Variants in DNAH10 observed in about 807,000 individuals in gnomAD.
DNAH10 encodes the protein dynein axonemal heavy chain 10, also known as axonemal beta dynein heavy chain 10.
DNAH10 carries 348 observed loss-of-function variants against 506.6 expected under a neutral mutation model. The observed-to-expected ratio is 0.69, with a 90% CI of 0.63 to 0.75. The LOEUF (loss-of-function observed/expected upper bound fraction) is 0.75. Among genes scored for constraint, DNAH10 ranks in the 30% least tolerant of loss-of-function variants. The pLI, the probability that DNAH10 is intolerant of heterozygous loss-of-function variation, is 0.00. For missense variants in DNAH10, 5,179 were observed against 5,787.1 expected, an observed-to-expected ratio of 0.89 and a Z score of 3.41; for synonymous variants, 2,059 against 2,198.6, an observed-to-expected ratio of 0.94 and a Z score of 1.78.
chr12:123,873,443 A>G, intron 45 of DNAH10, 115 bp from the exon 46 acceptor site: 2 of 1,228,634 alleles, frequency 1.6e-6, no homozygotes, highest in Non-Finnish European at 2.2e-6. Context: ...GGTTATTAAA[A>G]AGTTAGTTCA....
Position 123,913,753 on chromosome 12 carries a change from T to TC in DNAH10, c.10352+438_10352+439insC, listed in dbSNP as rs1178844090. On this transcript the variant is annotated intron_variant, in intron 60 of 78. Coordinates refer to ENST00000673944, the MANE Select transcript of DNAH10 (RefSeq NM_001372106.1). This position sits in a 1 kb window ranked among gnomAD's most constrained non-coding sequence, Gnocchi z 5.1. The stretch of plus-strand genomic sequence containing the variant: ...AGTCTTAAGTGATGGGGCTGTTTGA[T>TC]ATTTATGGGCAAGACCGCTTGGCCA... Among the ~76,000 whole-genome samples the TC allele has an allele frequency of 6.6e-6, 1 of 152,218 alleles. No homozygotes were observed. The highest frequency in any genetic ancestry group is 1.9e-4 in the East Asian group (1 of 5,202).
At chr12:123,837,739 T>G (rs1327299012) in intron 28 of DNAH10, among the ~76,000 whole-genome samples, 1 of 148,006 alleles carries the variant, frequency 6.8e-6, no homozygotes, top group Non-Finnish European at 1.5e-5. Context: ...CACACCCGGC[T>G]AACTTAAAAA....
chr12:123,933,831 G>A (rs969815259), intron 77 of DNAH10, among the ~76,000 whole-genome samples: 2 of 152,210 alleles, frequency 1.3e-5, no homozygotes, highest in Non-Finnish European at 2.9e-5. Flanking sequence ...ACCATCAGGT[G>A]GCTTTCTTGT....
intron 40 of DNAH10, among the ~76,000 whole-genome samples, chr12:123,865,409 T>G (rs1951766664): frequency 6.6e-6 from 1 of 152,202 alleles, no homozygotes; most frequent in Non-Finnish European, 1.5e-5. Context: ...CACTCTAGCT[T>G]AGTATTAATG....
At position 123,893,348 on chromosome 12, in the gene DNAH10, C is replaced by A. The variant is rs770239448; in HGVS notation, c.9111C>A (p.Phe3037Leu). The change falls in exon 53 of 79, where the codon TTC becomes TTA. Residue 3037 changes from phenylalanine (F) to leucine (L), a missense_variant. Coordinates refer to ENST00000673944, the MANE Select transcript of DNAH10 (RefSeq NM_001372106.1). ...GPAKESVWQYFVNKSANNLHI... is the reference protein window; with the variant it reads ...GPAKESVWQYLVNKSANNLHI... ...CCAAGGAGTCTGTGTGGCAGTACTT[C>A]GTGAACAAAAGTGCAAATAACCTGC... 6.2e-7 allele frequency: 1 copy of A among 1,614,036 alleles called. No individual in the cohort carries two copies. The highest frequency in any genetic ancestry group is 1.1e-5 in the South Asian group (1 of 91,078).
intron 5 of DNAH10, among the ~76,000 whole-genome samples, chr12:123,777,942 C>T (rs184136961): frequency 3.0e-4 from 46 of 152,266 alleles, no homozygotes; most frequent in African/African-American, 1.1e-3. Flanking sequence ...GGATTGCAGG[C>T]ATGAGCCACC....
rs765758453 is a variant in DNAH10 at position 123,924,385 on chromosome 12, G to A, written c.11719G>A (p.Gly3907Arg). 1.9e-5 allele frequency: 30 copies of A among 1,613,598 alleles called. No individual in the cohort carries two copies. The highest frequency in any genetic ancestry group is 2.5e-5 in the Non-Finnish European group (29 of 1,179,762). Residue 3907 changes from glycine to arginine, a missense_variant, in exon 67 of 79, where the codon GGG becomes AGG. Physicochemically the swap from Gly to Arg is moderately radical, Grantham distance 125. This residue lies in a region of DNAH10 where 4,844 missense variants were observed against 5,430.5 expected (regional missense o/e 0.89). Coordinates refer to ENST00000673944, the MANE Select transcript of DNAH10 (RefSeq NM_001372106.1). ...ATCAGAAATGTTTTCAGACAACTTTGGGCAACTTCCTGATGATGTTGAGAA... is the reference window on the plus strand; with the variant it reads ...ATCAGAAATGTTTTCAGACAACTTTAGGCAACTTCCTGATGATGTTGAGAA... ...LLSEMFSDNF[G>R]QLPDDVENNQ...
chr12:123,817,099 CTTTTTTTTT>C (rs755698934), intron 21 of DNAH10, among the ~76,000 whole-genome samples: 1 of 87,014 alleles, frequency 1.1e-5, no homozygotes, highest in Admixed American at 1.1e-4. Context: ...TCCAGTCTAA[CTTTTTTTTT>C]TTTTTTTTTT....
intron 18 of DNAH10, among the ~76,000 whole-genome samples, chr12:123,807,819 A>AG: frequency 1.3e-5 from 1 of 77,936 alleles, no homozygotes; most frequent in African/African-American, 5.0e-5. Flanking sequence ...AGAGAGAGAT[A>AG]AGGAGGGGGG....
chr12:123,822,860 G>A (rs1055314756), intron 24 of DNAH10, among the ~76,000 whole-genome samples: 3 of 152,186 alleles, frequency 2.0e-5, no homozygotes, highest in Non-Finnish European at 4.4e-5. Flanking sequence ...TTCGATTCAG[G>A]CCTGCAGTGG....
At chr12:123,851,800 G>T (rs1237817894) in intron 35 of DNAH10, among the ~76,000 whole-genome samples, 3 of 152,198 alleles carry the variant, frequency 2.0e-5, no homozygotes, top group African/African-American at 7.2e-5. Context: ...GAGAGACAGG[G>T]TCTTACTCTG....
At chr12:123,929,803 C>T (rs1269577842) in intron 72 of DNAH10, 44 bp downstream of exon 72, 3 of 1,559,316 alleles carry the variant, frequency 1.9e-6, no homozygotes, top group South Asian at 2.3e-5. Flanking sequence ...TCTGGGGCTA[C>T]AGAGCTGTGG....
intron 30 of DNAH10, among the ~76,000 whole-genome samples, chr12:123,842,926 T>G (rs1950822324): frequency 6.6e-6 from 1 of 152,262 alleles, no homozygotes; most frequent in African/African-American, 2.4e-5. Context: ...GGCGATTTAT[T>G]ATGCTAGATG....
rs1270751069 is a variant in DNAH10 at position 123,767,489 on chromosome 12, G to A, written c.215-117G>A. The A allele has an allele frequency of 2.7e-5, 24 of 889,540 alleles. 2 individuals carry two copies. Among genetic ancestry groups the A allele is most frequent in the Admixed American group, 1.6e-4 (7 of 44,832 alleles). 55.1% of individuals were successfully genotyped at this position (889,540 alleles called of 1,614,324 possible). On this transcript the variant is annotated intron_variant, in intron 1 of 78. Transcript: ENST00000673944. ...TACTGCTGTACCACTGTAACATAAC[G>A]AGTCTCCTGTGGGCCACATACCAAC...
At chr12:123,921,172 G>A (rs747298181) in intron 65 of DNAH10, among the ~76,000 whole-genome samples, 3 of 152,140 alleles carry the variant, frequency 2.0e-5, no homozygotes, top group Non-Finnish European at 2.9e-5. Context: ...GTCATTGGAG[G>A]AACTCTCAAA....
chr12:123,915,714 T>C (rs10846577), intron 62 of DNAH10, among the ~76,000 whole-genome samples: 76,589 of 152,076 alleles, frequency 0.5, 20,996 homozygotes, highest in African/African-American at 0.72. Flanking sequence ...ATTCCTTCCT[T>C]GGGCTGAATG....
chr12:123,858,446 C>T (rs1441430242), intron 37 of DNAH10, among the ~76,000 whole-genome samples: 1 of 152,116 alleles, frequency 6.6e-6, no homozygotes, highest in Non-Finnish European at 1.5e-5. Flanking sequence ...CCCTGATTTT[C>T]TCTGGAGTTG....
Position 123,890,046 on chromosome 12 carries a change from G to A in DNAH10, c.8995+2733G>A, listed in dbSNP as rs887442490. ...GCTCCATCCCACCATCCTTGGCTGCGTCACATCCACAGAGTCCTTTTTGCA... is the reference window on the plus strand; with the variant it reads ...GCTCCATCCCACCATCCTTGGCTGCATCACATCCACAGAGTCCTTTTTGCA... On this transcript the variant is annotated intron_variant, in intron 52 of 78. Coordinates refer to ENST00000673944, the MANE Select transcript of DNAH10 (RefSeq NM_001372106.1). Among the ~76,000 whole-genome samples the A allele has an allele frequency of 2.6e-5, 4 of 152,148 alleles. 1 individual carries two copies. The South Asian group carries it at 6.2e-4, about 24-fold the overall frequency.
In DNAH10 at chr12:123,885,162, G is replaced by T. The variant is rs574468130; in HGVS notation, c.8824-1980G>T. Among the ~76,000 whole-genome samples, 8 of 152,352 alleles carry T rather than the reference G, an allele frequency of 5.3e-5. No individual in the cohort carries two copies. The South Asian group carries it at 1.7e-3, about 32-fold the overall frequency. ...TTTTGCGCCATGGCAAAGTCAAAAA[G>T]TTCTAAGTTGAACCAGAGGAAGTCA... is the stretch of plus-strand genomic sequence containing the variant. On this transcript the variant is annotated intron_variant, in intron 51 of 78. Coordinates refer to ENST00000673944, the MANE Select transcript of DNAH10 (RefSeq NM_001372106.1).
Sources: gnomAD v4.1 joint callset for allele counts (sites outside exome capture counted in the v4.1 genomes callset) on GRCh38, gnomAD v4.1.1 for gene constraint, gnomAD v4.1.1 regional missense constraint, Gnocchi (gnomAD v3.1) non-coding constraint, MANE v1.5 for transcripts, NCBI Gene and HGNC (gene_info 2026-07-23, HGNC 2026-07-21) for gene names.